Variants in CHMP4B observed in about 807,000 individuals in gnomAD.
The protein encoded by CHMP4B is SNF7 homolog associated with Alix 1.
A neutral mutation model predicts 25.1 loss-of-function variants in CHMP4B; 1 was observed. The ratio of observed to expected loss-of-function variants is 0.04; its 90% CI spans 0.01 to 0.19. The LOEUF (loss-of-function observed/expected upper bound fraction) is 0.19, where lower values mean the gene tolerates loss of function less well. Among genes scored for constraint, CHMP4B ranks in the 10% least tolerant of loss-of-function variants. The pLI is 1.00. For synonymous variants in CHMP4B, 101 were observed against 115.6 expected, an observed-to-expected ratio of 0.87 and a Z score of 0.81; for missense variants, 151 against 289.7, an observed-to-expected ratio of 0.52 and a Z score of 3.48.
At chr20:33,827,198 G>A (rs1979118393) in intron 1 of CHMP4B, among the ~76,000 whole-genome samples, 2 of 152,204 alleles carry the variant, frequency 1.3e-5, no homozygotes, top group Admixed American at 1.3e-4. Context: ...CTGCACAGTA[G>A]TTCAGACTCT....
At chr20:33,820,844 TA>T in intron 1 of CHMP4B, among the ~76,000 whole-genome samples, 1 of 152,318 alleles carries the variant, frequency 6.6e-6, no homozygotes, top group East Asian at 1.9e-4. Flanking sequence ...TGCAGTACTT[TA>T]AAAAAGTACT....
chr20:33,849,334 C>T (rs1231485863), intron 2 of CHMP4B, among the ~76,000 whole-genome samples: 3 of 152,228 alleles, frequency 2.0e-5, no homozygotes, highest in East Asian at 1.9e-4. Context: ...TGAGGTGGCT[C>T]ACGCCTATAA....
intron 1 of CHMP4B, among the ~76,000 whole-genome samples, chr20:33,821,335 C>T (rs368138647): frequency 3.6e-5 from 5 of 140,218 alleles, no homozygotes; most frequent in South Asian, 4.5e-4. Context: ...GGCAGTGAGC[C>T]GAGATTGTAC....
intron 1 of CHMP4B, among the ~76,000 whole-genome samples, chr20:33,819,531 T>C (rs1044161317): frequency 6.6e-6 from 1 of 152,194 alleles, no homozygotes; most frequent in Non-Finnish European, 1.5e-5. Context: ...CTTGATTCCT[T>C]GACAGCTGAT....
chr20:33,829,540 A>C (rs1213168340), intron 1 of CHMP4B, among the ~76,000 whole-genome samples: 2 of 152,234 alleles, frequency 1.3e-5, no homozygotes, highest in Non-Finnish European at 2.9e-5. Context: ...TTTTGGCCTG[A>C]ATTTCTTTCT....
intron 1 of CHMP4B, among the ~76,000 whole-genome samples, chr20:33,828,151 T>C (rs1043107739): frequency 2.0e-5 from 3 of 152,224 alleles, no homozygotes; most frequent in African/African-American, 7.2e-5. Context: ...TTATTAACCT[T>C]CACAGTACAT....
chr20:33,850,114 T>G (rs1979805114), intron 2 of CHMP4B, among the ~76,000 whole-genome samples: 1 of 152,222 alleles, frequency 6.6e-6, no homozygotes, highest in Non-Finnish European at 1.5e-5. Context: ...GCCCCTTAAT[T>G]TACATATTGT....
At chr20:33,846,724 G>A (rs566345598) in intron 1 of CHMP4B, among the ~76,000 whole-genome samples, 1 of 152,310 alleles carries the variant, frequency 6.6e-6, no homozygotes, top group East Asian at 1.9e-4. Flanking sequence ...CCTCATGGGG[G>A]AGGGGGTTTT....
intron 1 of CHMP4B, among the ~76,000 whole-genome samples, chr20:33,830,870 C>T (rs1295041256): frequency 6.8e-6 from 1 of 147,736 alleles, no homozygotes; most frequent in East Asian, 2.1e-4. Context: ...CCTTTCTTTA[C>T]ATTATTTTCT....
rs374598795 is a variant in CHMP4B at position 33,830,515 on chromosome 20, C to T, written c.191-17952C>T. Among the ~76,000 whole-genome samples the T allele has an allele frequency of 1.3e-3, 198 of 152,274 alleles. 2 individuals carry two copies. Among genetic ancestry groups the T allele is most frequent in the African/African-American group, 4.5e-3 (187 of 41,540 alleles). ...TCCGTTTCTGGTGAGAGCCCTCTTC[C>T]CAGCTGGAAGACAGCTGCCTTCTTG... On this transcript the variant is annotated intron_variant, in intron 1 of 4. Transcript: ENST00000217402.
intron 1 of CHMP4B, among the ~76,000 whole-genome samples, chr20:33,815,178 C>G (rs1978749928): frequency 6.6e-6 from 1 of 152,188 alleles, no homozygotes; most frequent in South Asian, 2.1e-4. Flanking sequence ...CTCCACAAAT[C>G]AGGGTACTAG....
chr20:33,850,382 G>A (rs1386614227), intron 2 of CHMP4B, among the ~76,000 whole-genome samples: 1 of 152,218 alleles, frequency 6.6e-6, no homozygotes, highest in African/African-American at 2.4e-5. Context: ...CTAGCAGAGT[G>A]CAGCTCATTA....
chr20:33,814,076 G>A (rs1978716462), intron 1 of CHMP4B, among the ~76,000 whole-genome samples: 1 of 152,204 alleles, frequency 6.6e-6, no homozygotes, highest in South Asian at 2.1e-4. Flanking sequence ...GGGGCTGCAG[G>A]AGAGCTCGCC....
At chr20:33,847,017 A>T (rs1979706541) in intron 1 of CHMP4B, among the ~76,000 whole-genome samples, 1 of 152,228 alleles carries the variant, frequency 6.6e-6, no homozygotes, top group East Asian at 1.9e-4. Context: ...ACATATGTAC[A>T]TGTGGAAATC....
chr20:33,835,868 G>C (rs1476379477), intron 1 of CHMP4B, among the ~76,000 whole-genome samples: 1 of 152,162 alleles, frequency 6.6e-6, no homozygotes, highest in Non-Finnish European at 1.5e-5. Flanking sequence ...AGGAGGAGGT[G>C]CCAGGCTCTT....
intron 1 of CHMP4B, among the ~76,000 whole-genome samples, chr20:33,827,938 C>T (rs538453414): frequency 6.6e-6 from 1 of 152,222 alleles, no homozygotes; most frequent in Non-Finnish European, 1.5e-5. Context: ...GGATGGCGAT[C>T]GAAGAGAAAA....
chr20:33,814,806 C>G (rs977438934), intron 1 of CHMP4B, among the ~76,000 whole-genome samples: 1 of 152,010 alleles, frequency 6.6e-6, no homozygotes, highest in African/African-American at 2.4e-5. Flanking sequence ...AGGCACATGC[C>G]TAGCTAATTC....
chr20:33,847,731 C>T (rs1000207432), intron 1 of CHMP4B, among the ~76,000 whole-genome samples: 39 of 152,082 alleles, frequency 2.6e-4, no homozygotes, highest in African/African-American at 5.6e-4. Context: ...GTCTTGTTTT[C>T]GATGATGGAG....
chr20:33,828,504 CAGT>C (rs1896198209), intron 1 of CHMP4B, among the ~76,000 whole-genome samples: 1 of 152,178 alleles, frequency 6.6e-6, no homozygotes, highest in African/African-American at 2.4e-5. Context: ...AACTGGCAGT[CAGT>C]GGTGAGGCGG....
Sources: allele counts gnomAD v4.1 joint callset (sites outside exome capture counted in the v4.1 genomes callset), GRCh38; gene constraint gnomAD v4.1.1; transcripts MANE v1.5; gene names NCBI Gene and HGNC (gene_info 2026-07-23, HGNC 2026-07-21).